Variants in VPS16 observed in about 807,000 individuals in gnomAD.
VPS16 encodes vacuolar protein sorting-associated protein 16 homolog.
Under a neutral mutation model 116.0 loss-of-function variants are expected in VPS16, and 82 were observed. That is an observed-to-expected ratio of 0.71 (90% CI 0.59 to 0.85). The LOEUF (loss-of-function observed/expected upper bound fraction) is 0.85, where lower values mean the gene tolerates loss of function less well. VPS16 is among the 40% of genes least tolerant of loss of function. The probability of loss-of-function intolerance (pLI) is 0.00; values close to 1 mark genes in which losing one functional copy is unlikely to be tolerated. For missense variants in VPS16, 928 were observed against 1,090.6 expected, an observed-to-expected ratio of 0.85 and a Z score of 2.10; for synonymous variants, 406 against 420.7, an observed-to-expected ratio of 0.96 and a Z score of 0.43.
Position 2,840,781 on chromosome 20 carries a change from T to G in VPS16, c.7T>G (p.Cys3Gly), listed in dbSNP as rs1320503435. The change falls in exon 1 of 24, where the codon TGC (cysteine) becomes GGC (glycine). Residue 3 changes from cysteine (C) to glycine (G), a missense_variant. By Grantham distance (159) the Cys-to-Gly change is radical. Transcript: ENST00000380445. The part of the protein sequence containing the change: MD[C>G]YTANWNPLGD... Reference sequence around the variant, plus strand: ...GCTGCCGTCTGCACCAGCCATGGACTGCTACACGGCGAACTGGAACCCACT... The same window carrying G: ...GCTGCCGTCTGCACCAGCCATGGACGGCTACACGGCGAACTGGAACCCACT... 1 of 1,548,444 alleles carries G rather than the reference T, an allele frequency of 6.5e-7. No individual in the cohort carries two copies. Among genetic ancestry groups the G allele is most frequent in the Non-Finnish European group, 8.7e-7 (1 of 1,146,622 alleles).
chr20:2,841,266 G>A, intron 1 of VPS16: 1 of 204,758 alleles, frequency 4.9e-6, no homozygotes, highest in South Asian at 7.2e-5. Context: ...CGGAACAGCG[G>A]AAGTGGGAAC....
chr20:2,844,482 A>T (rs2089039403), intron 1 of VPS16, among the ~76,000 whole-genome samples: 1 of 152,204 alleles, frequency 6.6e-6, no homozygotes, highest in African/African-American at 2.4e-5. Context: ...TAATCTAATT[A>T]ATTAATTTGT....
rs1308921849 is a variant in VPS16 at position 2,840,870 on chromosome 20, C to T, written c.53+43C>T. On this transcript the variant is annotated intron_variant, in intron 1 of 23. Coordinates refer to ENST00000380445, the MANE Select transcript of VPS16 (RefSeq NM_022575.4). The stretch of plus-strand genomic sequence containing the variant: ...CCCGCCCACGGCCTGGCTTACCCTG[C>T]TCGCCCGCCGGCTGGAGTCTCCCGG... 36 of 1,521,334 alleles carry T rather than the reference C, an allele frequency of 2.4e-5. 1 individual carries two copies. Among genetic ancestry groups the T allele is most frequent in the Non-Finnish European group, 2.8e-5 (32 of 1,129,236 alleles). The allele number at this position is 1,521,334 out of a possible 1,614,324, so 94.2% of individuals were successfully genotyped here.
At chr20:2,858,598 G>A (rs540994028) in intron 1 of VPS16, among the ~76,000 whole-genome samples, 9 of 151,910 alleles carry the variant, frequency 5.9e-5, no homozygotes, top group East Asian at 3.9e-4. Context: ...AAATGATACC[G>A]GCTGAAATGC....
chr20:2,848,486 G>A, intron 1 of VPS16, among the ~76,000 whole-genome samples: 1 of 152,130 alleles, frequency 6.6e-6, no homozygotes, highest in East Asian at 1.9e-4. Context: ...TTGAATCTAG[G>A]CCCCAAATGG....
rs1013602156 is a variant in VPS16 at position 2,864,461 on chromosome 20, A to G, written c.1817A>G (p.Gln606Arg). The change falls in exon 18 of 24, where the codon CAG (glutamine) becomes CGG (arginine). Residue 606 changes from glutamine to arginine, a missense_variant and splice_region_variant. Gln to Arg is a conservative substitution (Grantham distance 43, BLOSUM62 1). Coordinates refer to ENST00000380445, the MANE Select transcript of VPS16 (RefSeq NM_022575.4). This position sits in a 1 kb window ranked among gnomAD's most constrained non-coding sequence, Gnocchi z 5.2. ...CCCATGGCCCTCAGTTTGTACCGAC[A>G]GGTGTGTGTAGTGGGCAGGGTTGTG... ...NQPMALSLYR[Q>R]FCKHQELETL... 9 of 1,614,090 alleles carry G rather than the reference A, an allele frequency of 5.6e-6. No homozygotes were observed. The highest frequency in any genetic ancestry group is 6.8e-6 in the Non-Finnish European group (8 of 1,179,990).
chr20:2,862,245 G>A (rs370421422), intron 11 of VPS16, 115 bp downstream of exon 11: 1 of 1,293,278 alleles, frequency 7.7e-7, no homozygotes, highest in Middle Eastern at 2.4e-4. Flanking sequence ...CAGGACACTG[G>A]TCTGGGCTGG....
chr20:2,841,500 C>T, intron 1 of VPS16, among the ~76,000 whole-genome samples: 1 of 152,212 alleles, frequency 6.6e-6, no homozygotes, highest in East Asian at 1.9e-4. Context: ...TCCAGCTGCG[C>T]AGAATTACAA....
chr20:2,850,540 C>T (rs375448055), intron 1 of VPS16, among the ~76,000 whole-genome samples: 2 of 151,340 alleles, frequency 1.3e-5, no homozygotes, highest in African/African-American at 4.9e-5. Context: ...GCAGGAGAAT[C>T]GCTTGAACCT....
In VPS16 at chr20:2,862,853, G is replaced by C; in HGVS notation, c.1250G>C (p.Ser417Thr). 6.2e-7 allele frequency: 1 copy of C among 1,614,126 alleles called. No homozygotes were observed. The highest frequency in any genetic ancestry group is 2.2e-5 in the East Asian group (1 of 44,874). ...KCFLDRFPPD[S>T]FVHMCQDLRV... is the part of the protein sequence containing the mutation. ...TTCCTGGACAGATTTCCACCCGACA[G>C]CTTCGTGCACATGTGTCAGGACCTG... is the stretch of plus-strand genomic sequence containing the variant. The change falls in exon 13 of 24, where the codon AGC becomes ACC. Residue 417 changes from serine to threonine, a missense_variant. Ser to Thr is a moderately conservative substitution (Grantham distance 58). Transcript: ENST00000380445.
At position 2,865,979 on chromosome 20, in the gene VPS16, G is replaced by T. The variant is rs563142512; in HGVS notation, c.2272-233G>T. Reference sequence around the variant, plus strand: ...TAATGGTGGGTGGTAGAGCAGAAGCGTGGAAATAATTGGTCTCAAGTCTCT... The same window carrying T: ...TAATGGTGGGTGGTAGAGCAGAAGCTTGGAAATAATTGGTCTCAAGTCTCT... On this transcript the variant is annotated intron_variant, in intron 22 of 23. Coordinates refer to ENST00000380445, the MANE Select transcript of VPS16 (RefSeq NM_022575.4). This position sits in a 1 kb window ranked among gnomAD's most constrained non-coding sequence, Gnocchi z 5.2. 6 of 560,742 alleles carry T rather than the reference G, an allele frequency of 1.1e-5. No individual in the cohort carries two copies. The highest frequency in any genetic ancestry group is 3.2e-6 in the Non-Finnish European group (1 of 312,438). 34.7% of individuals were successfully genotyped at this position (560,742 alleles called of 1,614,324 possible).
intron 1 of VPS16, among the ~76,000 whole-genome samples, chr20:2,841,899 C>T (rs2088979622): frequency 6.6e-6 from 1 of 151,924 alleles, no homozygotes; most frequent in East Asian, 1.9e-4. Flanking sequence ...GACTGCAGGC[C>T]CCTGTCACCA....
Position 2,863,986 on chromosome 20 carries a change from G to A in VPS16, c.1514G>A (p.Arg505Gln), listed in dbSNP as rs996832978. Residue 505 changes from arginine (R) to glutamine (Q), a missense_variant, in exon 16 of 24, where the codon CGA becomes CAA. Coordinates refer to ENST00000380445, the MANE Select transcript of VPS16 (RefSeq NM_022575.4). The surrounding 1 kb of genome is among the most constrained non-coding windows in gnomAD (Gnocchi z 4.4). ...GATGTCTCAGATGAGGATGTGGCTC[G>A]AGCCATTAACCAGAAGCTGGGGGAC... is the stretch of plus-strand genomic sequence containing the variant. ...QKDVSDEDVA[R>Q]AINQKLGDTP... 40 of 1,611,666 alleles carry A rather than the reference G, an allele frequency of 2.5e-5. No homozygotes were observed. The Admixed American group carries it at 3.0e-4, about 12-fold the overall frequency.
rs1429005473 is a variant in VPS16, at chr20:2,860,985, G to A, written c.646G>A (p.Ala216Thr). Residue 216 changes from alanine (A) to threonine (T), a missense_variant, in exon 7 of 24, where the codon GCC becomes ACC. By Grantham distance (58) the Ala-to-Thr change is moderately conservative. Transcript: ENST00000380445. This position sits in a 1 kb window ranked among gnomAD's most constrained non-coding sequence, Gnocchi z 6.1. ...ACSAVTPPGL[A>T]PGVSSFLQMA... ...TCTGCCTCAGACGCCCCCTGGCCTG[G>A]CCCCAGGAGTAAGCAGCTTCCTACA... 3.7e-6 allele frequency: 6 copies of A among 1,614,138 alleles called. No individual in the cohort carries two copies. Among genetic ancestry groups the A allele is most frequent in the Non-Finnish European group, 5.1e-6 (6 of 1,180,034 alleles).
In VPS16 at chr20:2,863,914, A is replaced by G; in HGVS notation, c.1477-35A>G. 15 of 1,605,992 alleles carry G rather than the reference A, an allele frequency of 9.3e-6. No individual in the cohort carries two copies. The highest frequency in any genetic ancestry group is 1.3e-5 in the Non-Finnish European group (15 of 1,174,332). On this transcript the variant is annotated intron_variant, in intron 15 of 23. Transcript: ENST00000380445. The surrounding 1 kb of genome is among the most constrained non-coding windows in gnomAD (Gnocchi z 4.4). ...GCAGGAGTGGAGAGTGAGGAATGGCATCCAGATGTTTGTGACACCCCGCAT... is the reference window on the plus strand; with the variant it reads ...GCAGGAGTGGAGAGTGAGGAATGGCGTCCAGATGTTTGTGACACCCCGCAT...
chr20:2,852,325 A>G (rs890948098), intron 1 of VPS16, among the ~76,000 whole-genome samples: 2 of 152,078 alleles, frequency 1.3e-5, no homozygotes, highest in South Asian at 2.1e-4. Flanking sequence ...CATGCTCACT[A>G]TAAAGGAGAA....
chr20:2,866,497 T>C lies in VPS16; in HGVS notation c.2443T>C (p.Ser815Pro). Residue 815 changes from serine (S) to proline (P), a missense_variant, in exon 24 of 24, where the codon TCC becomes CCC. Transcript: ENST00000380445. ...TGAGGCTGAGCTGAGCCTCGTATTG[T>C]CCCACTGCACGGGAGCCACAGATGG... ...RNEAELSLVL[S>P]HCTGATDGAT... The C allele has an allele frequency of 6.2e-7, 1 of 1,614,128 alleles. No individual in the cohort carries two copies. Among genetic ancestry groups the C allele is most frequent in the East Asian group, 2.2e-5 (1 of 44,874 alleles).
At chr20:2,845,766 C>T (rs982534505) in intron 1 of VPS16, among the ~76,000 whole-genome samples, 6 of 152,124 alleles carry the variant, frequency 3.9e-5, no homozygotes, top group African/African-American at 1.4e-4. Context: ...AAACAACTCC[C>T]CATTTCCTCC....
Position 2,864,369 on chromosome 20 carries a change from C to G in VPS16, c.1725C>G (p.Phe575Leu). ...CTCCACCTTACTCTCCTGCAGTGTT[C>G]ACGGTGTTGCTGCACCTGAAGAACG... ...AIESGDTDLV[F>L]TVLLHLKNEL... Residue 575 changes from phenylalanine (F) to leucine (L), a missense_variant, in exon 18 of 24, where the codon TTC becomes TTG. Transcript: ENST00000380445. The surrounding 1 kb of genome is among the most constrained non-coding windows in gnomAD (Gnocchi z 5.2). The G allele has an allele frequency of 6.2e-7, 1 of 1,614,176 alleles. No homozygotes were observed. Among genetic ancestry groups the G allele is most frequent in the South Asian group, 1.1e-5 (1 of 91,066 alleles).
Sources: gnomAD v4.1 joint callset for allele counts (sites outside exome capture counted in the v4.1 genomes callset) on GRCh38, gnomAD v4.1.1 for gene constraint, Gnocchi (gnomAD v3.1) non-coding constraint, MANE v1.5 for transcripts, NCBI Gene and HGNC (gene_info 2026-07-23, HGNC 2026-07-21) for gene names.